Variants in DAB1 observed in about 807,000 individuals in gnomAD.
The protein encoded by DAB1 is DAB adaptor protein 1.
A neutral mutation model predicts 64.6 loss-of-function variants in DAB1; 15 were observed. The observed-to-expected ratio is 0.23, with a 90% CI of 0.16 to 0.36. DAB1 has a LOEUF of 0.36. Ranked by LOEUF, DAB1 falls within the 10% of genes least tolerant of loss-of-function variation. The pLI is 1.00. For missense variants in DAB1, 596 were observed against 706.7 expected (o/e 0.84, Z 1.78); for synonymous variants, 235 against 251.9 (o/e 0.93, Z 0.64).
chr1:57,423,198 T>G (rs1343416592), intron 1 of DAB1, among the ~76,000 whole-genome samples: 2 of 142,834 alleles, frequency 1.4e-5, no homozygotes, highest in African/African-American at 5.2e-5. Flanking sequence ...GAGCGTCGAG[T>G]CTGGAGCAGA....
intron 1 of DAB1, among the ~76,000 whole-genome samples, chr1:57,370,546 T>G (rs1570389606): frequency 6.6e-6 from 1 of 151,984 alleles, no homozygotes; most frequent in Non-Finnish European, 1.5e-5. Flanking sequence ...ATATCTACTT[T>G]TATTGGGGTG....
intron 4 of DAB1, among the ~76,000 whole-genome samples, chr1:58,217,098 T>C (rs1658896519): frequency 6.6e-6 from 1 of 152,210 alleles, no homozygotes; most frequent in African/African-American, 2.4e-5. Flanking sequence ...ACATAATAAT[T>C]AGTATAAGCA....
rs371103982 is a variant in DAB1, at chr1:57,062,991, A to G, written c.664-48T>C. On this transcript the variant is annotated intron_variant, in intron 8 of 14. Transcript: ENST00000371236. ...ACAGTCAAAACACTCTGGTACTCCAATTTCAAAGAACAAAGCAACCAGACT... is the reference window on the plus strand; with the variant it reads ...ACAGTCAAAACACTCTGGTACTCCAGTTTCAAAGAACAAAGCAACCAGACT... The G allele has an allele frequency of 6.6e-5, 102 of 1,550,366 alleles. No homozygotes were observed. In the Admixed American group the frequency reaches 1.0e-3, roughly 15 times the overall value.
intron 5 of DAB1, among the ~76,000 whole-genome samples, chr1:57,897,193 CA>C (rs1644404198): frequency 6.6e-6 from 1 of 152,156 alleles, no homozygotes; most frequent in African/African-American, 2.4e-5. Context: ...TATGTTCTAT[CA>C]AAGGATAATA....
At chr1:57,086,066 C>T (rs1653044303) in intron 4 of DAB1, among the ~76,000 whole-genome samples, 1 of 152,138 alleles carries the variant, frequency 6.6e-6, no homozygotes, top group Non-Finnish European at 1.5e-5. Flanking sequence ...CAGTGAGTGA[C>T]AGTCTTTGAA....
At chr1:57,953,313 T>C (rs1645317309) in intron 5 of DAB1, among the ~76,000 whole-genome samples, 1 of 152,192 alleles carries the variant, frequency 6.6e-6, no homozygotes, top group Non-Finnish European at 1.5e-5. Context: ...CGTGGTGAAC[T>C]GGAAACTACA....
intron 7 of DAB1, among the ~76,000 whole-genome samples, chr1:57,528,648 A>ACT (rs1644622919): frequency 2.0e-5 from 2 of 99,668 alleles, no homozygotes; most frequent in African/African-American, 5.9e-5. Context: ...ACACACACAC[A>ACT]CACACACACA....
chr1:57,614,212 T>A (rs182392545), intron 7 of DAB1, among the ~76,000 whole-genome samples: 47 of 152,344 alleles, frequency 3.1e-4, no homozygotes, highest in African/African-American at 1.1e-3. Flanking sequence ...ATTATTATTT[T>A]TTATGTAAAA....
intron 3 of DAB1, among the ~76,000 whole-genome samples, chr1:58,442,081 T>C (rs1036601052): frequency 6.6e-6 from 1 of 152,206 alleles, no homozygotes; most frequent in African/African-American, 2.4e-5. Flanking sequence ...TAGGGCACAC[T>C]GGGGTGCCTC....
rs199654068 is a variant in DAB1, at chr1:58,094,744, A to AGTT, written n.387+55766_387+55767insAAC. On this transcript the variant is annotated intron_variant and non_coding_transcript_variant, in intron 5 of 20. Coordinates refer to the DAB1 transcript ENST00000485760. The stretch of plus-strand genomic sequence containing the variant: ...TGTATCTCAGTGAGAGATTTATTTA[A>AGTT]GCATCTTTGGCATGTGCTAGAGTAG... Among the ~76,000 whole-genome samples, 73 of 152,332 alleles carry AGTT rather than the reference A, an allele frequency of 4.8e-4. 1 individual carries two copies. The East Asian group carries it at 0.012, about 25-fold the overall frequency.
chr1:58,070,868 C>T (rs1458578109), intron 5 of DAB1, among the ~76,000 whole-genome samples: 2 of 152,150 alleles, frequency 1.3e-5, no homozygotes, highest in African/African-American at 4.8e-5. Flanking sequence ...GGAAGGCAGG[C>T]TCAAGGGCAC....
At chr1:57,199,005 G>T (rs1664876101) in intron 2 of DAB1, among the ~76,000 whole-genome samples, 1 of 152,124 alleles carries the variant, frequency 6.6e-6, no homozygotes, top group Admixed American at 6.5e-5. Flanking sequence ...CCAGGCCACT[G>T]GTCTTGTGAA....
chr1:57,779,699 T>G (rs1649975261), intron 6 of DAB1, among the ~76,000 whole-genome samples: 1 of 152,196 alleles, frequency 6.6e-6, no homozygotes, highest in Non-Finnish European at 1.5e-5. Context: ...TCTCATAATT[T>G]TCTTGGGAAG....
chr1:57,649,791 A>G (rs563046794), intron 6 of DAB1: 1 of 152,370 alleles, frequency 6.6e-6, no homozygotes, highest in South Asian at 2.1e-4. Flanking sequence ...CTGGGAATAG[A>G]GAGATGGATA....
At chr1:57,022,052 C>T (rs1646640204) in intron 11 of DAB1, among the ~76,000 whole-genome samples, 2 of 152,242 alleles carry the variant, frequency 1.3e-5, no homozygotes, top group Admixed American at 1.3e-4. Flanking sequence ...TATGTTATTT[C>T]CTGTCTTCCC....
chr1:57,109,967 C>G (rs1446224019), intron 4 of DAB1, among the ~76,000 whole-genome samples: 2 of 152,148 alleles, frequency 1.3e-5, no homozygotes, highest in Non-Finnish European at 2.9e-5. Flanking sequence ...CCACTTTCCT[C>G]CCTTGACAGG....
chr1:57,389,943 CAT>C (rs1205816586), intron 1 of DAB1, among the ~76,000 whole-genome samples: 1 of 152,170 alleles, frequency 6.6e-6, no homozygotes, highest in Non-Finnish European at 1.5e-5. Context: ...GGTGAGGAAA[CAT>C]AAATATGTCA....
Position 57,499,069 on chromosome 1 carries a change from G to A in DAB1, n.625+150523C>T, listed in dbSNP as rs545562381. Among the ~76,000 whole-genome samples the A allele has an allele frequency of 3.8e-3, 575 of 152,202 alleles. 3 individuals carry two copies. The highest frequency in any genetic ancestry group is 5.8e-3 in the Non-Finnish European group (395 of 68,006). ...CAGCTCACTGCAACCTCCGCCTCCC[G>A]GGTTCAAGCGATTGCCCTGCCTCAA... is the stretch of plus-strand genomic sequence containing the variant. On this transcript the variant is annotated intron_variant and non_coding_transcript_variant, in intron 7 of 20. Transcript: ENST00000485760.
At chr1:57,635,612 T>C (rs2101633838) in intron 7 of DAB1, among the ~76,000 whole-genome samples, 1 of 152,280 alleles carries the variant, frequency 6.6e-6, no homozygotes, top group South Asian at 2.1e-4. Context: ...TTCTACATTA[T>C]GGTGAGTTGT....
Sources: allele counts gnomAD v4.1 joint callset (sites outside exome capture counted in the v4.1 genomes callset), GRCh38; gene constraint gnomAD v4.1.1; transcripts MANE v1.5; gene names NCBI Gene and HGNC (gene_info 2026-07-23, HGNC 2026-07-21).